AMTN: variants seen among roughly 807,000 people sequenced by gnomAD.
AMTN encodes the protein amelotin, also known as RSTI689.
In AMTN, 29 loss-of-function variants were observed where a neutral mutation model predicts 27.4. The ratio of observed to expected loss-of-function variants is 1.06; its 90% CI spans 0.79 to 1.44. The LOEUF (loss-of-function observed/expected upper bound fraction) is 1.44. AMTN is among the 40% of genes most tolerant of loss of function. The pLI, the probability that AMTN is intolerant of heterozygous loss-of-function variation, is 0.00. For synonymous variants in AMTN, 86 were observed against 95.7 expected, an observed-to-expected ratio of 0.90 and a Z score of 0.59; for missense variants, 247 against 248.8, an observed-to-expected ratio of 0.99 and a Z score of 0.05.
At chr4:70,524,823 G>A (rs1208075001) in intron 4 of AMTN, 49 bp from the exon 5 acceptor site, 1 of 1,560,654 alleles carries the variant, frequency 6.4e-7, no homozygotes, top group Admixed American at 1.7e-5. Flanking sequence ...TTTCCTAAAT[G>A]TCCAAACTGA....
At chr4:70,521,792 A>G (rs911044932) in intron 2 of AMTN, among the ~76,000 whole-genome samples, 7 of 150,942 alleles carry the variant, frequency 4.6e-5, no homozygotes, top group African/African-American at 1.5e-4. Context: ...GCTAATTTTT[A>G]TATTTTTAGT....
At position 70,523,904 on chromosome 4, in the gene AMTN, A is replaced by T; in HGVS notation, c.175A>T (p.Met59Leu). The stretch of plus-strand genomic sequence containing the variant: ...TTTAAGTCTGATACCATTAACACAG[A>T]TGCTCACACTGGGGCCAGATCTGCA... ...PSLSLIPLTQ[M>L]LTLGPDLHLL... Residue 59 changes from methionine to leucine, a missense_variant, in exon 4 of 9, where the codon ATG (methionine) becomes TTG (leucine). Transcript: ENST00000339336. 1 of 1,613,862 alleles carries T rather than the reference A, an allele frequency of 6.2e-7. No homozygotes were observed. The highest frequency in any genetic ancestry group is 8.5e-7 in the Non-Finnish European group (1 of 1,179,764).
intron 5 of AMTN, among the ~76,000 whole-genome samples, chr4:70,525,579 C>T (rs139339363): frequency 2.6e-5 from 4 of 152,196 alleles, no homozygotes; most frequent in Non-Finnish European, 4.4e-5. Context: ...TTTACCTTAT[C>T]GAAACTTTTC....
intron 5 of AMTN, among the ~76,000 whole-genome samples, chr4:70,525,484 T>C (rs936524187): frequency 6.6e-6 from 1 of 152,208 alleles, no homozygotes; most frequent in Non-Finnish European, 1.5e-5. Context: ...CTGAAAATCC[T>C]CTTACACTAA....
At chr4:70,521,340 A>T (rs1404844612) in intron 2 of AMTN, among the ~76,000 whole-genome samples, 2 of 148,352 alleles carry the variant, frequency 1.3e-5, no homozygotes, top group Non-Finnish European at 3.0e-5. Context: ...AGATCACTCC[A>T]TTGCACTCCA....
chr4:70,531,086 C>T lies in AMTN; in HGVS notation c.405C>T (p.Gly135=), dbSNP rs748711397. The T allele has an allele frequency of 2.4e-5, 38 of 1,614,080 alleles. 1 individual carries two copies. The South Asian group carries it at 4.1e-4, about 17-fold the overall frequency. ...TCATCCATTCCTTGTTCCCGGGAGG[C>T]ATCCTGCCCACCAGTCAGGCAGGGG... ...SLIIHSLFPG[G]ILPTSQAGAN... Residue 135 remains glycine, a synonymous_variant, in exon 8 of 9, where the codon GGC becomes GGT. Coordinates refer to ENST00000339336, the MANE Select transcript of AMTN (RefSeq NM_212557.4).
intron 5 of AMTN, among the ~76,000 whole-genome samples, chr4:70,526,544 A>C (rs17733347): frequency 0.68 from 102,876 of 152,010 alleles, 35,469 homozygotes; most frequent in African/African-American, 0.76. Context: ...TTGATAATAA[A>C]ATTTTTGATA....
rs371411532 is a variant in AMTN, at chr4:70,523,940, G to C, written c.204+7G>C. 2.7e-4 allele frequency: 433 copies of C among 1,609,024 alleles called. 1 individual carries two copies. In the African/African-American group the frequency reaches 5.0e-3, roughly 19 times the overall value. ...GGGGCCAGATCTGCATCTGGTAAGT[G>C]ATTGTTTATATTATTTTAATACCCA... is the stretch of plus-strand genomic sequence containing the variant. On this transcript the variant is annotated splice_region_variant and intron_variant, in intron 4 of 8. Coordinates refer to ENST00000339336, the MANE Select transcript of AMTN (RefSeq NM_212557.4).
intron 5 of AMTN, among the ~76,000 whole-genome samples, chr4:70,528,041 C>T (rs17149008): frequency 0.63 from 95,393 of 151,982 alleles, 30,428 homozygotes; most frequent in Non-Finnish European, 0.68. Flanking sequence ...TTTGAAAATA[C>T]CCATCGCGTG....
chr4:70,521,516 G>A (rs1331284726), intron 2 of AMTN, among the ~76,000 whole-genome samples: 2 of 149,008 alleles, frequency 1.3e-5, no homozygotes, highest in Non-Finnish European at 3.0e-5. Flanking sequence ...ACAATAGATT[G>A]TGGGAGATGA....
chr4:70,525,014 G>A, intron 5 of AMTN, 53 bp downstream of exon 5: 1 of 1,531,092 alleles, frequency 6.5e-7, no homozygotes, highest in Non-Finnish European at 9.0e-7. Flanking sequence ...TTTTCTCTCA[G>A]GTGAAAGCCT....
At chr4:70,520,346 A>G (rs1402058530) in intron 2 of AMTN, among the ~76,000 whole-genome samples, 1 of 152,238 alleles carries the variant, frequency 6.6e-6, no homozygotes, top group Non-Finnish European at 1.5e-5. Flanking sequence ...TTATTTGTAA[A>G]TGAATGTATT....
At chr4:70,519,790 A>T (rs28605866) in intron 2 of AMTN, among the ~76,000 whole-genome samples, 1 of 151,906 alleles carries the variant, frequency 6.6e-6, no homozygotes. Context: ...ATGTTAAATT[A>T]TAAATAATAA....
chr4:70,521,138 G>A (rs1157045585), intron 2 of AMTN, among the ~76,000 whole-genome samples: 2 of 152,138 alleles, frequency 1.3e-5, no homozygotes, highest in Non-Finnish European at 2.9e-5. Context: ...CCAACACTTT[G>A]GGGGCCAAGG....
chr4:70,527,220 A>G (rs1033411981), intron 5 of AMTN, among the ~76,000 whole-genome samples: 3 of 152,372 alleles, frequency 2.0e-5, no homozygotes. Context: ...TGCCTACCAC[A>G]TAGTAAACAT....
chr4:70,524,657 G>T (rs867475822), intron 4 of AMTN, among the ~76,000 whole-genome samples: 2 of 129,378 alleles, frequency 1.5e-5, no homozygotes, highest in African/African-American at 5.0e-5. Context: ...ACTTAACAGG[G>T]GAAAAGTTAG....
At chr4:70,519,881 C>A (rs762775638) in intron 2 of AMTN, among the ~76,000 whole-genome samples, 20 of 151,106 alleles carry the variant, frequency 1.3e-4, no homozygotes, top group Non-Finnish European at 1.9e-4. Flanking sequence ...AGCCAACCTC[C>A]TTCTTACTTT....
At chr4:70,527,716 T>C (rs1448145971) in intron 5 of AMTN, among the ~76,000 whole-genome samples, 2 of 152,234 alleles carry the variant, frequency 1.3e-5, no homozygotes, top group African/African-American at 2.4e-5. Flanking sequence ...CCTGACACTT[T>C]GAATTTTCTA....
At chr4:70,529,140 A>G (rs1439417048) in intron 6 of AMTN, 44 bp from the exon 7 acceptor site, 1 of 1,489,682 alleles carries the variant, frequency 6.7e-7, no homozygotes, top group Non-Finnish European at 9.0e-7. Context: ...CTACAAATAC[A>G]TTAAAATGTG....
Sources: gnomAD v4.1 joint callset for allele counts (sites outside exome capture counted in the v4.1 genomes callset) on GRCh38, gnomAD v4.1.1 for gene constraint, MANE v1.5 for transcripts, NCBI Gene and HGNC (gene_info 2026-07-23, HGNC 2026-07-21) for gene names.